The following ATRNL1 variants were observed in gnomAD, a reference collection of about 807,000 sequenced individuals.
ATRNL1 encodes the protein attractin-like protein 1.
In ATRNL1, 95 loss-of-function variants were observed where a neutral mutation model predicts 182.7. That is an observed-to-expected ratio of 0.52 (90% CI 0.44 to 0.62). The LOEUF is 0.62. Ranked by LOEUF, ATRNL1 falls within the 20% of genes least tolerant of loss-of-function variation. The pLI is 0.00. For missense variants in ATRNL1, 1,471 were observed against 1,679.5 expected (o/e 0.88, Z 2.17); for synonymous variants, 576 against 568.3 (o/e 1.01, Z -0.19).
chr10:115,483,020 T>C (rs1848843165), intron 24 of ATRNL1, among the ~76,000 whole-genome samples: 2 of 151,326 alleles, frequency 1.3e-5, no homozygotes, highest in African/African-American at 4.8e-5. Context: ...AAATGGTATG[T>C]TTTAACATTT....
intron 24 of ATRNL1, among the ~76,000 whole-genome samples, chr10:115,503,394 C>T (rs1849945282): frequency 6.6e-6 from 1 of 151,810 alleles, no homozygotes; most frequent in Non-Finnish European, 1.5e-5. Context: ...ACAAACAGGA[C>T]ATGAGGAAAA....
At chr10:115,789,870 A>G (rs1949485146) in intron 27 of ATRNL1, among the ~76,000 whole-genome samples, 1 of 152,200 alleles carries the variant, frequency 6.6e-6, no homozygotes, top group Non-Finnish European at 1.5e-5. Flanking sequence ...TGAGGATTAA[A>G]TTCTGGAAAA....
intron 28 of ATRNL1, among the ~76,000 whole-genome samples, chr10:115,916,188 A>G (rs555299106): frequency 2.6e-5 from 4 of 152,342 alleles, no homozygotes; most frequent in African/African-American, 9.6e-5. Context: ...TTGCAGCATC[A>G]TACTCATGCA....
At position 115,211,544 on chromosome 10, in the gene ATRNL1, G is replaced by T. The variant is rs555310166; in HGVS notation, c.1349-4153G>T. ...ATATCTTTGGGTTTAACCTATTTAA[G>T]ATTTACTTAGTTTCTTGAATCTGTA... is the stretch of plus-strand genomic sequence containing the variant. On this transcript the variant is annotated intron_variant, in intron 8 of 28. Transcript: ENST00000355044. Among the ~76,000 whole-genome samples, 29 of 151,542 alleles carry T rather than the reference G, an allele frequency of 1.9e-4. No individual in the cohort carries two copies. In the South Asian group the frequency reaches 6.0e-3, roughly 32 times the overall value.
At chr10:115,180,987 G>A (rs1212431006) in intron 8 of ATRNL1, among the ~76,000 whole-genome samples, 2 of 151,734 alleles carry the variant, frequency 1.3e-5, no homozygotes, top group African/African-American at 4.8e-5. Context: ...TGCATAAAAG[G>A]GTGAATGTGG....
At chr10:115,181,961 A>G (rs1457802278) in intron 8 of ATRNL1, among the ~76,000 whole-genome samples, 2 of 151,684 alleles carry the variant, frequency 1.3e-5, no homozygotes, top group African/African-American at 4.8e-5. Flanking sequence ...AAAGAGACAG[A>G]TGGTAACCCT....
At chr10:115,624,198 A>G (rs1016418605) in intron 26 of ATRNL1, among the ~76,000 whole-genome samples, 2 of 152,054 alleles carry the variant, frequency 1.3e-5, no homozygotes, top group African/African-American at 2.4e-5. Context: ...TCAATAGCAT[A>G]CAATAATAAA....
intron 1 of ATRNL1, among the ~76,000 whole-genome samples, chr10:115,107,041 C>T (rs781863928): frequency 7.2e-5 from 11 of 152,138 alleles, no homozygotes; most frequent in Admixed American, 2.0e-4. Context: ...ACCCATTCCC[C>T]TGATAATGAA....
intron 27 of ATRNL1, among the ~76,000 whole-genome samples, chr10:115,814,073 G>T (rs2907569): frequency 0.78 from 118,515 of 152,024 alleles, 46,351 homozygotes; most frequent in African/African-American, 0.84. Context: ...AAATTATGTC[G>T]TGTTTAAAAA....
chr10:115,237,047 A>G (rs187615075), intron 9 of ATRNL1, among the ~76,000 whole-genome samples: 1 of 152,302 alleles, frequency 6.6e-6, no homozygotes, highest in Non-Finnish European at 1.5e-5. Context: ...ATAAGCATTT[A>G]AAGTTCCTTT....
chr10:115,854,994 T>G (rs1555101505), intron 28 of ATRNL1, among the ~76,000 whole-genome samples: 3 of 152,192 alleles, frequency 2.0e-5, no homozygotes, highest in African/African-American at 7.2e-5. Flanking sequence ...ACGTTTACTC[T>G]GGAATGAAAG....
intron 26 of ATRNL1, among the ~76,000 whole-genome samples, chr10:115,634,224 T>C (rs1858716389): frequency 6.6e-6 from 1 of 152,156 alleles, no homozygotes. Flanking sequence ...CACTTTTATA[T>C]CTTTGCCAAA....
chr10:115,662,437 T>G (rs1860753531), intron 26 of ATRNL1, among the ~76,000 whole-genome samples: 1 of 152,090 alleles, frequency 6.6e-6, no homozygotes, highest in Non-Finnish European at 1.5e-5. Flanking sequence ...GAAATACCAT[T>G]TGACCCAGCA....
intron 18 of ATRNL1, among the ~76,000 whole-genome samples, chr10:115,332,333 T>G (rs1447379061): frequency 6.7e-6 from 1 of 149,926 alleles, no homozygotes; most frequent in Non-Finnish European, 1.5e-5. Context: ...TGCATTCAGG[T>G]TTTTTTTAGC....
At chr10:115,193,846 C>A (rs1554890436) in intron 8 of ATRNL1, among the ~76,000 whole-genome samples, 1 of 151,740 alleles carries the variant, frequency 6.6e-6, no homozygotes, top group Non-Finnish European at 1.5e-5. Flanking sequence ...TTACTGTAAA[C>A]TTCCCTCTTA....
At chr10:115,628,615 T>C (rs1338131230) in intron 26 of ATRNL1, among the ~76,000 whole-genome samples, 1 of 152,178 alleles carries the variant, frequency 6.6e-6, no homozygotes, top group African/African-American at 2.4e-5. Context: ...CTTTTGTTGC[T>C]TGCGCTTTTG....
At position 115,840,220 on chromosome 10, in the gene ATRNL1, G is replaced by T. The variant is rs192236229; in HGVS notation, c.3904-7657G>T. ...TGGTAAGTATGGGAAGTTTGGCATT[G>T]GGATTAGATTTTTCCTACCCTGAAA... is the stretch of plus-strand genomic sequence containing the variant. On this transcript the variant is annotated intron_variant, in intron 27 of 28. Transcript: ENST00000355044. Among the ~76,000 whole-genome samples the T allele has an allele frequency of 4.0e-4, 61 of 152,106 alleles. 4 individuals carry two copies. In the South Asian group the frequency reaches 0.012, roughly 30 times the overall value.
rs1849668184 is a variant in ATRNL1, at chr10:115,225,703, T to C, written c.1532+9823T>C. On this transcript the variant is annotated intron_variant, in intron 9 of 28. Coordinates refer to ENST00000355044, the MANE Select transcript of ATRNL1 (RefSeq NM_207303.4). ...TTACACAGAAAACTATAAAACCTTA[T>C]TGTGAGAAATTAAATAAAATTTAAA... is the stretch of plus-strand genomic sequence containing the variant. Among the ~76,000 whole-genome samples, 7 of 151,210 alleles carry C rather than the reference T, an allele frequency of 4.6e-5. No individual in the cohort carries two copies. In the South Asian group the frequency reaches 1.5e-3, roughly 31 times the overall value.
At chr10:115,797,384 C>G (rs1949678684) in intron 27 of ATRNL1, among the ~76,000 whole-genome samples, 1 of 152,102 alleles carries the variant, frequency 6.6e-6, no homozygotes, top group Non-Finnish European at 1.5e-5. Context: ...ATTTTACACT[C>G]AGGCACTGGG....
Sources: gnomAD v4.1 joint callset for allele counts (sites outside exome capture counted in the v4.1 genomes callset) on GRCh38, gnomAD v4.1.1 for gene constraint, MANE v1.5 for transcripts, NCBI Gene and HGNC (gene_info 2026-07-23, HGNC 2026-07-21) for gene names.